KLHL29: variants seen among roughly 807,000 people sequenced by gnomAD.
KLHL29 encodes the protein kelch-like protein 29.
Under a neutral mutation model 80.4 loss-of-function variants are expected in KLHL29, and 21 were observed. The ratio of observed to expected loss-of-function variants is 0.26; its 90% confidence interval spans 0.19 to 0.38. KLHL29 has a LOEUF of 0.38. Among genes scored for constraint, KLHL29 ranks in the 10% least tolerant of loss-of-function variants. The pLI is 1.00. For synonymous variants in KLHL29, 511 were observed against 526.8 expected (o/e 0.97, Z 0.41); for missense variants, 867 against 1,223.9 (o/e 0.71, Z 4.35).
chr2:23,537,062 A>G (rs1331275959), intron 2 of KLHL29, among the ~76,000 whole-genome samples: 1 of 152,024 alleles, frequency 6.6e-6, no homozygotes, highest in South Asian at 2.1e-4. Flanking sequence ...TGAGGTGCAC[A>G]TGCTACTCTG....
At chr2:23,532,544 A>G (rs1044318733) in intron 2 of KLHL29, 4 of 456,658 alleles carry the variant, frequency 8.8e-6, no homozygotes, top group East Asian at 1.4e-4. Context: ...TCTTGCTCCT[A>G]TGTTAAAATC....
At chr2:23,513,049 C>T (rs551793579) in intron 2 of KLHL29, among the ~76,000 whole-genome samples, 2 of 152,342 alleles carry the variant, frequency 1.3e-5, no homozygotes, top group East Asian at 3.9e-4. Flanking sequence ...CGCGTGGTGA[C>T]CCCCAAGAGG....
chr2:23,602,528 G>T (rs1345283141), intron 3 of KLHL29, among the ~76,000 whole-genome samples: 1 of 152,148 alleles, frequency 6.6e-6, no homozygotes, highest in African/African-American at 2.4e-5. Context: ...AGGGGTAGGG[G>T]GTCAGGAAAG....
chr2:23,660,871 CAAAA>C (rs796192593), intron 5 of KLHL29, among the ~76,000 whole-genome samples: 2 of 150,706 alleles, frequency 1.3e-5, no homozygotes, highest in African/African-American at 2.4e-5. Context: ...ACTAAAAATA[CAAAA>C]AAAAAGTCAG....
intron 1 of KLHL29, among the ~76,000 whole-genome samples, chr2:23,407,525 A>T (rs770606422): frequency 7.3e-5 from 11 of 151,690 alleles, no homozygotes; most frequent in Non-Finnish European, 1.5e-4. Flanking sequence ...CTTTTGGTAT[A>T]ATGTTGGAAA....
At chr2:23,663,742 C>T (rs1300165154) in intron 5 of KLHL29, among the ~76,000 whole-genome samples, 1 of 152,210 alleles carries the variant, frequency 6.6e-6, no homozygotes, top group East Asian at 1.9e-4. Context: ...TTATAAAGCA[C>T]AAGCAGCAGA....
intron 2 of KLHL29, among the ~76,000 whole-genome samples, chr2:23,538,163 G>A (rs542594791): frequency 2.0e-5 from 3 of 152,242 alleles, no homozygotes; most frequent in Non-Finnish European, 4.4e-5. Flanking sequence ...ATGGATCTCG[G>A]GTTTCTCTTG....
chr2:23,529,229 C>G (rs576037286), intron 2 of KLHL29, among the ~76,000 whole-genome samples: 3 of 152,194 alleles, frequency 2.0e-5, no homozygotes, highest in Non-Finnish European at 4.4e-5. Flanking sequence ...ACAGCCTCAG[C>G]CTCCCAAGTA....
At chr2:23,486,388 T>C (rs1457361313) in intron 2 of KLHL29, among the ~76,000 whole-genome samples, 1 of 151,804 alleles carries the variant, frequency 6.6e-6, no homozygotes, top group African/African-American at 2.4e-5. Flanking sequence ...CTGACAGGCT[T>C]TGAGACCCAG....
At chr2:23,413,346 G>A (rs1416194278) in intron 1 of KLHL29, among the ~76,000 whole-genome samples, 1 of 152,162 alleles carries the variant, frequency 6.6e-6, no homozygotes, top group Non-Finnish European at 1.5e-5. Flanking sequence ...CCCACATGCT[G>A]TGTGATCCAT....
At chr2:23,449,320 T>C (rs1477811815) in intron 1 of KLHL29, among the ~76,000 whole-genome samples, 1 of 152,236 alleles carries the variant, frequency 6.6e-6, no homozygotes, top group Non-Finnish European at 1.5e-5. Context: ...ACTGGTTGTA[T>C]CCATTACCCT....
At chr2:23,476,950 G>A (rs955812138) in intron 2 of KLHL29, among the ~76,000 whole-genome samples, 1 of 152,244 alleles carries the variant, frequency 6.6e-6, no homozygotes, top group African/African-American at 2.4e-5. Flanking sequence ...AGTTGACAAC[G>A]TTCACCACAT....
chr2:23,489,755 G>A (rs193207459), intron 2 of KLHL29, among the ~76,000 whole-genome samples: 7 of 151,964 alleles, frequency 4.6e-5, no homozygotes, highest in East Asian at 1.9e-4. Flanking sequence ...GCATGTGAAC[G>A]GATCAGCACC....
chr2:23,474,966 C>T (rs993914528), intron 1 of KLHL29, among the ~76,000 whole-genome samples: 1 of 151,222 alleles, frequency 6.6e-6, no homozygotes, highest in Admixed American at 6.6e-5. Context: ...TCTGCCTCCC[C>T]GTAATAGATA....
intron 11 of KLHL29, among the ~76,000 whole-genome samples, chr2:23,701,791 TGC>T (rs1376369882): frequency 1.4e-4 from 6 of 43,048 alleles, no homozygotes; most frequent in Non-Finnish European, 3.4e-4. Flanking sequence ...GGCTTTTTTT[TGC>T]TTTTTTTTTT....
At chr2:23,497,647 A>T (rs1327661873) in intron 2 of KLHL29, among the ~76,000 whole-genome samples, 13 of 152,204 alleles carry the variant, frequency 8.5e-5, no homozygotes, top group Admixed American at 7.8e-4. Context: ...GGGAAGGTTC[A>T]TTAGCCCAGG....
intron 3 of KLHL29, among the ~76,000 whole-genome samples, chr2:23,622,819 A>AATTC: frequency 6.6e-6 from 1 of 152,346 alleles, no homozygotes; most frequent in Admixed American, 6.5e-5. Flanking sequence ...TCCTTTGCAC[A>AATTC]TATTAGTTCA....
chr2:23,637,822 T>A (rs1301450770), intron 3 of KLHL29, among the ~76,000 whole-genome samples: 1 of 152,014 alleles, frequency 6.6e-6, no homozygotes, highest in African/African-American at 2.4e-5. Flanking sequence ...GAAGTCACCG[T>A]GAGGACCATG....
intron 8 of KLHL29, 129 bp downstream of exon 8, chr2:23,693,657 A>G: frequency 1.0e-6 from 1 of 988,584 alleles, no homozygotes; most frequent in Non-Finnish European, 1.5e-6. Flanking sequence ...AGAGAGGTGA[A>G]GGGCGGGCAG....
Sources: gnomAD v4.1 joint callset for allele counts (sites outside exome capture counted in the v4.1 genomes callset) on GRCh38, gnomAD v4.1.1 for gene constraint, MANE v1.5 for transcripts, NCBI Gene and HGNC (gene_info 2026-07-23, HGNC 2026-07-21) for gene names.